NRXN3: variants seen among roughly 807,000 people sequenced by gnomAD.
The protein encoded by NRXN3 is neurexin 3.
NRXN3 carries 32 observed loss-of-function variants against 137.6 expected under a neutral mutation model. The ratio of observed to expected loss-of-function variants is 0.23; its 90% CI spans 0.18 to 0.31. The LOEUF (loss-of-function observed/expected upper bound fraction) is 0.31. Ranked by LOEUF, NRXN3 falls within the 10% of genes least tolerant of loss-of-function variation. NRXN3 has a pLI of 1.00. For synonymous variants in NRXN3, 798 were observed against 784.5 expected, an observed-to-expected ratio of 1.02 and a Z score of -0.29; for missense variants, 1,574 against 2,062.5, an observed-to-expected ratio of 0.76 and a Z score of 4.59.
rs199543320 is a variant in NRXN3, at chr14:78,709,422, G to A, written c.1427G>A (p.Arg476His). ...ATGGGCTCCATCTCCTTTGACTTCC[G>A]CACCACAGAGCCCAATGGCCTGATC... ...KRMGSISFDFRTTEPNGLILF... is the reference protein window; with the variant it reads ...KRMGSISFDFHTTEPNGLILF... Residue 476 changes from arginine to histidine, a missense_variant, in exon 7 of 21, where the codon CGC becomes CAC. Arg to His is a conservative substitution (Grantham distance 29). Around this residue, in one of 5 missense-constraint regions of NRXN3, gnomAD observed 718 missense variants for 887.6 expected, o/e 0.81. Transcript: ENST00000335750. 35 of 1,613,888 alleles carry A rather than the reference G, an allele frequency of 2.2e-5. No homozygotes were observed. Among genetic ancestry groups the A allele is most frequent in the Admixed American group, 8.3e-5 (5 of 59,986 alleles).
At chr14:78,504,297 A>G (rs1196033997) in intron 4 of NRXN3, among the ~76,000 whole-genome samples, 1 of 152,172 alleles carries the variant, frequency 6.6e-6, no homozygotes, top group East Asian at 1.9e-4. Flanking sequence ...GGAAACAACA[A>G]CTGCAGACTC....
chr14:79,714,488 A>G (rs142437302), intron 19 of NRXN3, among the ~76,000 whole-genome samples: 13 of 152,360 alleles, frequency 8.5e-5, no homozygotes, highest in African/African-American at 2.9e-4. Flanking sequence ...ACATCATACT[A>G]AAAGCACCAT....
chr14:79,629,319 A>C (rs1015409047), intron 16 of NRXN3, among the ~76,000 whole-genome samples: 5 of 152,210 alleles, frequency 3.3e-5, no homozygotes, highest in Non-Finnish European at 5.9e-5. Context: ...AGTAAACATA[A>C]TGCTATGCTG....
At chr14:79,099,487 T>C (rs1263779287) in intron 15 of NRXN3, among the ~76,000 whole-genome samples, 1 of 152,132 alleles carries the variant, frequency 6.6e-6, no homozygotes, top group African/African-American at 2.4e-5. Flanking sequence ...AACTAAACTG[T>C]ATGGTAAAGT....
chr14:78,185,922 C>A (rs758407177), intron 1 of NRXN3, among the ~76,000 whole-genome samples: 6 of 152,160 alleles, frequency 3.9e-5, no homozygotes, highest in Non-Finnish European at 2.9e-5. Flanking sequence ...TGAACACAAG[C>A]ATTTGGACTT....
intron 2 of NRXN3, among the ~76,000 whole-genome samples, chr14:78,258,891 G>A (rs1157727267): frequency 6.6e-6 from 1 of 152,136 alleles, no homozygotes; most frequent in Non-Finnish European, 1.5e-5. Flanking sequence ...CCAGCACTTT[G>A]GGAGGCTGAG....
At chr14:79,172,243 G>T (rs904724817) in intron 15 of NRXN3, among the ~76,000 whole-genome samples, 1 of 151,262 alleles carries the variant, frequency 6.6e-6, no homozygotes, top group African/African-American at 2.4e-5. Flanking sequence ...CTGAATCATG[G>T]CCATAATACT....
intron 4 of NRXN3, among the ~76,000 whole-genome samples, chr14:78,298,142 A>T (rs1464675348): frequency 6.6e-6 from 1 of 152,222 alleles, no homozygotes; most frequent in Non-Finnish European, 1.5e-5. Context: ...GGGAAGCATG[A>T]AACCAGGCAT....
intron 8 of NRXN3, among the ~76,000 whole-genome samples, chr14:78,766,684 C>A (rs1245963542): frequency 6.6e-6 from 1 of 152,214 alleles, no homozygotes; most frequent in East Asian, 1.9e-4. Flanking sequence ...GCCAGCCCTG[C>A]AATCAAGGGG....
At chr14:78,492,095 G>C (rs1363621399) in intron 4 of NRXN3, among the ~76,000 whole-genome samples, 2 of 151,988 alleles carry the variant, frequency 1.3e-5, no homozygotes, top group Non-Finnish European at 2.9e-5. Context: ...AACCTTTTAG[G>C]GTTGTTTTAT....
At position 78,605,919 on chromosome 14, in the gene NRXN3, A is replaced by T. The variant is rs73326168; in HGVS notation, c.758-39201A>T. 6.2e-3 allele frequency among the ~76,000 whole-genome samples: 941 copies of T among 152,300 alleles called. 7 individuals are homozygous for T. The highest frequency in any genetic ancestry group is 0.02 in the African/African-American group (850 of 41,564). ...ACAAAGTTCAACATATGGTGTCTTCATGTGATTATAAGTGTGCGAGTGTGT... is the reference window on the plus strand; with the variant it reads ...ACAAAGTTCAACATATGGTGTCTTCTTGTGATTATAAGTGTGCGAGTGTGT... On this transcript the variant is annotated intron_variant, in intron 4 of 20. Transcript: ENST00000335750.
At chr14:79,703,227 T>C (rs2098762287) in intron 19 of NRXN3, among the ~76,000 whole-genome samples, 2 of 152,194 alleles carry the variant, frequency 1.3e-5, no homozygotes, top group South Asian at 4.1e-4. Context: ...GAAGCCACAA[T>C]TTCTCATGTT....
chr14:79,577,995 T>C (rs938925432), intron 16 of NRXN3, among the ~76,000 whole-genome samples: 3 of 152,172 alleles, frequency 2.0e-5, no homozygotes, highest in Non-Finnish European at 4.4e-5. Flanking sequence ...ATACCAACTC[T>C]AGGTGAAGGA....
intron 19 of NRXN3, among the ~76,000 whole-genome samples, chr14:79,754,506 ATATATATATATATAT>A (rs2099011224): frequency 0.016 from 2 of 124 alleles, no homozygotes; most frequent in South Asian, 0.1. Flanking sequence ...CTCTCTTGAT[ATATATATATATATAT>A]ATATATATAT....
At chr14:78,427,030 T>G (rs905167100) in intron 4 of NRXN3, among the ~76,000 whole-genome samples, 1 of 151,970 alleles carries the variant, frequency 6.6e-6, no homozygotes, top group Non-Finnish European at 1.5e-5. Context: ...GAGAAAAATG[T>G]TTTTAAAAGC....
At chr14:78,479,498 G>A (rs115544009) in intron 4 of NRXN3, among the ~76,000 whole-genome samples, 3,084 of 152,236 alleles carry the variant, frequency 0.02, 93 homozygotes, top group African/African-American at 0.062. Context: ...TTAAACTATT[G>A]AGGTCAAGAC....
chr14:79,678,094 G>T (rs531162907), intron 17 of NRXN3, among the ~76,000 whole-genome samples: 1 of 152,054 alleles, frequency 6.6e-6, no homozygotes, highest in African/African-American at 2.4e-5. Flanking sequence ...CCCTCTTCTG[G>T]CTTCGATTCT....
intron 10 of NRXN3, among the ~76,000 whole-genome samples, chr14:78,900,652 A>G (rs1390213812): frequency 1.3e-5 from 2 of 151,974 alleles, no homozygotes; most frequent in African/African-American, 4.8e-5. Flanking sequence ...CAATGTTTTC[A>G]TACCTTACAG....
intron 4 of NRXN3, among the ~76,000 whole-genome samples, chr14:78,624,486 G>T (rs113315920): frequency 6.6e-6 from 1 of 152,226 alleles, no homozygotes; most frequent in African/African-American, 2.4e-5. Context: ...CATGGCAAGA[G>T]GGGGGCGGTA....
Sources: allele counts gnomAD v4.1 joint callset (sites outside exome capture counted in the v4.1 genomes callset), GRCh38; gene constraint gnomAD v4.1.1; regional missense constraint gnomAD v4.1.1; transcripts MANE v1.5; gene names NCBI Gene and HGNC (gene_info 2026-07-23, HGNC 2026-07-21).